Variants in PLEKHH3 observed in about 807,000 individuals in gnomAD.
PLEKHH3 encodes the protein pleckstrin homology, MyTH4 and FERM domain containing H3.
A neutral mutation model predicts 77.8 loss-of-function variants in PLEKHH3; 57 were observed. The ratio of observed to expected loss-of-function variants is 0.73; its 90% CI spans 0.59 to 0.91. The LOEUF is 0.91. Among genes scored for constraint, PLEKHH3 ranks in the 40% least tolerant of loss-of-function variants. PLEKHH3 has a pLI of 0.00. For synonymous variants in PLEKHH3, 467 were observed against 504.8 expected (o/e 0.93, Z 1.00); for missense variants, 1,082 against 1,091.2 (o/e 0.99, Z 0.12).
At position 42,673,196 on chromosome 17, in the gene PLEKHH3, G is replaced by C; in HGVS notation, c.749C>G (p.Pro250Arg). Reference protein sequence around the residue: ...GALYAPLLPLPYGVSAPGPGY... With the variant: ...GALYAPLLPLRYGVSAPGPGY... ...CTCACCTGGGGCGCTGACTCCATAG[G>C]GCAGGGGCAGGAGTGGGGCATACAA... Residue 250 changes from proline (P) to arginine (R), a missense_variant, in exon 6 of 13, where the codon CCC (proline) becomes CGC (arginine). Physicochemically the swap from Pro to Arg is moderately radical, Grantham distance 103. Transcript: ENST00000591022. The C allele has an allele frequency of 6.5e-7, 1 of 1,543,288 alleles. No individual in the cohort carries two copies.
intron 1 of PLEKHH3, among the ~76,000 whole-genome samples, chr17:42,675,693 G>A (rs1241451786): frequency 6.6e-6 from 1 of 152,204 alleles, no homozygotes; most frequent in Non-Finnish European, 1.5e-5. Context: ...GTGCAGGAGG[G>A]ATGGGGGAGG....
At chr17:42,674,766 C>T (rs1597795193) in intron 1 of PLEKHH3, 1 of 253,526 alleles carries the variant, frequency 3.9e-6, no homozygotes, top group East Asian at 7.2e-5. Flanking sequence ...AAGTCTCTTC[C>T]CGTCTCCGGG....
At position 42,674,399 on chromosome 17, in the gene PLEKHH3, T is replaced by G; in HGVS notation, c.173A>C (p.Glu58Ala). Reference sequence around the variant, plus strand: ...CCTCACTGGCTGAGTCAGCGTCACTTCCAGGGGACCCTGGGGAGACAGGCG... The same window carrying G: ...CCTCACTGGCTGAGTCAGCGTCACTGCCAGGGGACCCTGGGGAGACAGGCG... ...SPAGGGRGPLEVTLTQPVRSG... is the reference protein window; with the variant it reads ...SPAGGGRGPLAVTLTQPVRSG... The change falls in exon 2 of 13, where the codon GAA (glutamate) becomes GCA (alanine). Residue 58 changes from glutamate (E) to alanine (A), a missense_variant. Glu to Ala is a moderately radical substitution (Grantham distance 107). This residue lies in a region of PLEKHH3 where 344 missense variants were observed against 320.8 expected (regional missense o/e 1.07). Coordinates refer to ENST00000591022, the MANE Select transcript of PLEKHH3 (RefSeq NM_024927.5). 6.3e-7 allele frequency: 1 copy of G among 1,594,500 alleles called. No homozygotes were observed. The highest frequency in any genetic ancestry group is 8.5e-7 in the Non-Finnish European group (1 of 1,171,380).
At chr17:42,674,622 G>A (rs2143604052) in intron 1 of PLEKHH3, 1 of 422,920 alleles carries the variant, frequency 2.4e-6, no homozygotes, top group Admixed American at 4.1e-5. Flanking sequence ...GAGCTAAGGA[G>A]CCAAGGCTCC....
chr17:42,673,272 C>T lies in PLEKHH3; in HGVS notation c.673G>A (p.Val225Ile), dbSNP rs762353768. 19 of 1,597,580 alleles carry T rather than the reference C, an allele frequency of 1.2e-5. No individual in the cohort carries two copies. Among genetic ancestry groups the T allele is most frequent in the African/African-American group, 9.5e-5 (7 of 73,560 alleles). The change falls in exon 6 of 13, where the codon GTT (valine) becomes ATT (isoleucine). Residue 225 changes from valine to isoleucine, a missense_variant. By Grantham distance (29) the Val-to-Ile change is conservative (BLOSUM62 3). Around this residue, in one of 3 missense-constraint regions of PLEKHH3, gnomAD observed 344 missense variants for 320.8 expected, o/e 1.07. Transcript: ENST00000591022. ...IQESCGDPEA[V>I]ALIYLRNPIL... The stretch of plus-strand genomic sequence containing the variant: ...GGGTTCCTCAGGTAAATGAGGGCAA[C>T]GGCCTCTGGGTCCCCGCAACTTTCC...
chr17:42,669,478 G>GGT lies in PLEKHH3; in HGVS notation c.2155_2156dup (p.Leu720ProfsTer4). The GGT allele has an allele frequency of 6.3e-7, 1 of 1,596,216 alleles. No homozygotes were observed. The highest frequency in any genetic ancestry group is 8.6e-7 in the Non-Finnish European group (1 of 1,167,786). Reference sequence around the variant, plus strand: ...GGCTCTCTCCCACCCTCAAGGCCAGGGTGTGGGGGCCCATTAGCTGGCAGG... The same window carrying GGT: ...GGCTCTCTCCCACCCTCAAGGCCAGGGTGTGTGGGGGCCCATTAGCTGGCAGG... On this transcript the variant is annotated frameshift_variant, in exon 12 of 13. Coordinates refer to ENST00000591022, the MANE Select transcript of PLEKHH3 (RefSeq NM_024927.5). LOFTEE classifies it high-confidence loss of function.
rs1284484898 is a variant in PLEKHH3 at position 42,669,504 on chromosome 17, C to T, written c.2131G>A (p.Ala711Thr). Residue 711 changes from alanine (A) to threonine (T), a missense_variant, in exon 12 of 13, where the codon GCC becomes ACC. Coordinates refer to ENST00000591022, the MANE Select transcript of PLEKHH3 (RefSeq NM_024927.5). ...GTGTGGGGGCCCATTAGCTGGCAGG[C>T]GGCCACATGGCCATAGCTGACACTG... ...IHSVSYGHVA[A>T]CQLMGPHTLA... 11 of 1,605,896 alleles carry T rather than the reference C, an allele frequency of 6.8e-6. No homozygotes were observed. The South Asian group carries it at 7.7e-5, about 11-fold the overall frequency.
intron 12 of PLEKHH3, chr17:42,669,119 A>G (rs989669047): frequency 8.3e-6 from 2 of 240,744 alleles, no homozygotes; most frequent in Non-Finnish European, 1.6e-5. Flanking sequence ...CCACCTTGCA[A>G]TTCTTTCTAC....
chr17:42,676,698 G>C lies in PLEKHH3; in HGVS notation c.-135C>G, dbSNP rs549292689. On this transcript the variant is annotated 5_prime_UTR_variant, in exon 1 of 13. Coordinates refer to ENST00000591022, the MANE Select transcript of PLEKHH3 (RefSeq NM_024927.5). The surrounding 1 kb of genome is among the most constrained non-coding windows in gnomAD (Gnocchi z 6.6). ...GCAGAAGGGAGAAGAGGACAGGGAG[G>C]AGGCAGTGTCCTGGGCTGGGGTGCA... is the stretch of plus-strand genomic sequence containing the variant. 2.4e-5 allele frequency: 21 copies of C among 877,912 alleles called. No individual in the cohort carries two copies. The highest frequency in any genetic ancestry group is 3.6e-5 in the Non-Finnish European group (20 of 559,986). 54.4% of individuals were successfully genotyped at this position (877,912 alleles called of 1,614,324 possible). A position where few individuals can be genotyped will look rare whatever the true frequency, so the allele number is the denominator to read the frequency against.
chr17:42,669,147 C>G (rs1027751390), intron 12 of PLEKHH3: 2 of 309,346 alleles, frequency 6.5e-6, no homozygotes, highest in East Asian at 1.0e-4. Context: ...GCTGTTCTCC[C>G]AGGTCTTCCC....
chr17:42,671,607 C>T lies in PLEKHH3; in HGVS notation c.1077-49G>A, dbSNP rs1889299275. ...TCAATACTCCAAGGGCTTTCTTCTC[C>T]CCCTCCCTCTTGCCTGCTTCTCTTA... On this transcript the variant is annotated intron_variant, in intron 7 of 12. Transcript: ENST00000591022. The surrounding 1 kb of genome is among the most constrained non-coding windows in gnomAD (Gnocchi z 4.7). 2 of 1,522,604 alleles carry T rather than the reference C, an allele frequency of 1.3e-6. No individual in the cohort carries two copies. The highest frequency in any genetic ancestry group is 2.8e-5 in the African/African-American group (2 of 72,688). 94.3% of individuals were successfully genotyped at this position (1,522,604 alleles called of 1,614,324 possible). A position where few individuals can be genotyped will look rare whatever the true frequency, so the allele number is the denominator to read the frequency against.
intron 11 of PLEKHH3, 102 bp downstream of exon 11, chr17:42,669,816 C>G (rs1345458743): frequency 1.9e-6 from 3 of 1,553,136 alleles, no homozygotes; most frequent in East Asian, 2.4e-5. Context: ...GGTAGCTGTT[C>G]TGGATGTGGG....
Position 42,671,524 on chromosome 17 carries a change from C to T in PLEKHH3, c.1111G>A (p.Glu371Lys). ...GCTTTCCGGATGAAGCGCGCATATT[C>T]CGCCAGTTCCGAGTCCGGGAGTGCC... is the stretch of plus-strand genomic sequence containing the variant. ...EQALPDSELA[E>K]YARFIRKALG... Residue 371 changes from glutamate to lysine, a missense_variant, in exon 8 of 13, where the codon GAA becomes AAA. By Grantham distance (56) the Glu-to-Lys change is moderately conservative (BLOSUM62 1). Transcript: ENST00000591022. The surrounding 1 kb of genome is among the most constrained non-coding windows in gnomAD (Gnocchi z 4.7). 6.2e-7 allele frequency: 1 copy of T among 1,612,498 alleles called. No homozygotes were observed. The highest frequency in any genetic ancestry group is 8.5e-7 in the Non-Finnish European group (1 of 1,179,762).
At position 42,669,147 on chromosome 17, in the gene PLEKHH3, C is replaced by T. The variant is rs1027751390; in HGVS notation, c.2205+283G>A. On this transcript the variant is annotated intron_variant, in intron 12 of 12. Coordinates refer to ENST00000591022, the MANE Select transcript of PLEKHH3 (RefSeq NM_024927.5). ...CTTTCTACCTGGAATGCTGTTCTCCCAGGTCTTCCCTGGCTAGCTTAAATG... is the reference window on the plus strand; with the variant it reads ...CTTTCTACCTGGAATGCTGTTCTCCTAGGTCTTCCCTGGCTAGCTTAAATG... 4 of 309,228 alleles carry T rather than the reference C, an allele frequency of 1.3e-5. No homozygotes were observed. In the South Asian group the frequency reaches 4.3e-4, roughly 33 times the overall value. 19.2% of individuals were successfully genotyped at this position (309,228 alleles called of 1,614,324 possible). A position where few individuals can be genotyped will look rare whatever the true frequency, so the allele number is the denominator to read the frequency against.
Position 42,673,478 on chromosome 17 carries a change from C to A in PLEKHH3, c.569G>T (p.Trp190Leu). 6.2e-7 allele frequency: 1 copy of A among 1,611,664 alleles called. No homozygotes were observed. Among genetic ancestry groups the A allele is most frequent in the Non-Finnish European group, 8.5e-7 (1 of 1,179,258 alleles). ...CSPRQAEAER[W>L]GVALREVIAS... The stretch of plus-strand genomic sequence containing the variant: ...GATCACTTCCCGCAATGCCACCCCC[C>A]AGCGCTCAGCCTCTGCCTGGCGTGG... Residue 190 changes from tryptophan (W) to leucine (L), a missense_variant, in exon 5 of 13, where the codon TGG becomes TTG. Physicochemically the swap from Trp to Leu is moderately conservative, Grantham distance 61 (BLOSUM62 -2). Transcript: ENST00000591022.
rs1395987426 is a variant in PLEKHH3 at position 42,676,779 on chromosome 17, G to C, written c.-216C>G. 3.2e-5 allele frequency: 19 copies of C among 602,058 alleles called. No homozygotes were observed. The highest frequency in any genetic ancestry group is 1.8e-4 in the South Asian group (9 of 50,176). The allele number at this position is 602,058 out of a possible 1,614,324, so 37.3% of individuals were successfully genotyped here. ...TCAGTGTCTGGGCCCCCGGAGGGGG[G>C]AGGGGGAAAAGCGTCCAGGGCCCCG... On this transcript the variant is annotated 5_prime_UTR_variant, in exon 1 of 13. Transcript: ENST00000591022. This position sits in a 1 kb window ranked among gnomAD's most constrained non-coding sequence, Gnocchi z 6.6.
intron 11 of PLEKHH3, 33 bp downstream of exon 11, chr17:42,669,885 C>T (rs779344057): frequency 6.2e-7 from 1 of 1,610,004 alleles, no homozygotes; most frequent in Non-Finnish European, 8.5e-7. Context: ...GGGCTTGGGC[C>T]GCCAGAGTCC....
At position 42,673,227 on chromosome 17, in the gene PLEKHH3, C is replaced by T. The variant is rs145953549; in HGVS notation, c.718G>A (p.Gly240Arg). ...GGCAGGAGTGGGGCATACAAGGCTC[C>T]ACTAGTGTGTCTCAGAATCGGGTTC... ...LRNPILRHTS[G>R]ALYAPLLPLP... Residue 240 changes from glycine to arginine, a missense_variant, in exon 6 of 13, where the codon GGA becomes AGA. Gly to Arg is a moderately radical substitution (Grantham distance 125). This residue lies in a region of PLEKHH3 where 5 missense variants were observed against 20.4 expected (regional missense o/e 0.24). Coordinates refer to ENST00000591022, the MANE Select transcript of PLEKHH3 (RefSeq NM_024927.5). 1.4e-5 allele frequency: 22 copies of T among 1,582,742 alleles called. No homozygotes were observed. In the African/African-American group the frequency reaches 2.9e-4, roughly 21 times the overall value.
Position 42,670,311 on chromosome 17 carries a change from C to A in PLEKHH3, c.1620G>T (p.Ala540=), listed in dbSNP as rs1440588846. 2.9e-6 allele frequency: 4 copies of A among 1,385,792 alleles called. No homozygotes were observed. The highest frequency in any genetic ancestry group is 3.4e-5 in the Admixed American group (1 of 29,644). The allele number at this position is 1,385,792 out of a possible 1,614,324, so 85.8% of individuals were successfully genotyped here. A position where few individuals can be genotyped will look rare whatever the true frequency, so the allele number is the denominator to read the frequency against. The change falls in exon 11 of 13, where the codon GCG becomes GCT. Residue 540 remains alanine (A), a synonymous_variant. Transcript: ENST00000591022. ...CCCGCTGCAGGCTCTGCAGGCGCAG[C>A]GCCGCCAGGGCGCGCAGCGTGTCGT... ...PPDDTLRALA[A]LRLQSLQRDF... is the part of the protein sequence containing the mutation.
Sources: allele counts gnomAD v4.1 joint callset (sites outside exome capture counted in the v4.1 genomes callset), GRCh38; gene constraint gnomAD v4.1.1; regional missense constraint gnomAD v4.1.1; non-coding constraint Gnocchi (gnomAD v3.1); transcripts MANE v1.5; gene names NCBI Gene and HGNC (gene_info 2026-07-23, HGNC 2026-07-21).